Variants in ARHGAP24 observed in about 807,000 individuals in gnomAD.
The protein encoded by ARHGAP24 is rho GTPase-activating protein 24.
A neutral mutation model predicts 76.4 loss-of-function variants in ARHGAP24; 50 were observed. The ratio of observed to expected loss-of-function variants is 0.65; its 90% CI spans 0.52 to 0.83. The LOEUF (loss-of-function observed/expected upper bound fraction) is 0.83, where lower values mean the gene tolerates loss of function less well. ARHGAP24 is among the 40% of genes least tolerant of loss of function. The probability of loss-of-function intolerance (pLI) is 0.00; values close to 1 mark genes in which losing one functional copy is unlikely to be tolerated. For missense variants in ARHGAP24, 930 were observed against 914.2 expected, an observed-to-expected ratio of 1.02 and a Z score of -0.22; for synonymous variants, 345 against 323.3, an observed-to-expected ratio of 1.07 and a Z score of -0.72.
At chr4:85,756,480 C>A (rs149527725) in intron 3 of ARHGAP24, among the ~76,000 whole-genome samples, 1 of 152,146 alleles carries the variant, frequency 6.6e-6, no homozygotes, top group Non-Finnish European at 1.5e-5. Flanking sequence ...AAAGGACTTT[C>A]AGAATCTAGT....
chr4:85,579,692 A>T (rs1727529126), intron 2 of ARHGAP24, among the ~76,000 whole-genome samples: 1 of 152,160 alleles, frequency 6.6e-6, no homozygotes, highest in Non-Finnish European at 1.5e-5. Context: ...CAATCCAGAT[A>T]CAAAAATTAG....
At chr4:85,977,310 C>A (rs1739401165) in intron 7 of ARHGAP24, among the ~76,000 whole-genome samples, 1 of 152,096 alleles carries the variant, frequency 6.6e-6, no homozygotes, top group Admixed American at 6.5e-5. Context: ...CCAAACACAC[C>A]TGTTCCTTTG....
intron 2 of ARHGAP24, among the ~76,000 whole-genome samples, chr4:85,623,745 T>G (rs1375735343): frequency 6.6e-6 from 1 of 152,032 alleles, no homozygotes; most frequent in Non-Finnish European, 1.5e-5. Context: ...CTTCCATTTG[T>G]TTGTATCTTC....
At chr4:85,675,043 A>AAGAT (rs1229979475) in intron 2 of ARHGAP24, among the ~76,000 whole-genome samples, 1 of 152,208 alleles carries the variant, frequency 6.6e-6, no homozygotes. Flanking sequence ...ATTTTGAAGA[A>AAGAT]AGATAACTGA....
chr4:85,934,285 G>A (rs1483153545), intron 4 of ARHGAP24, among the ~76,000 whole-genome samples: 2 of 152,112 alleles, frequency 1.3e-5, no homozygotes, highest in African/African-American at 2.4e-5. Context: ...TGGAGTATAA[G>A]CCCCCTAATT....
chr4:85,710,201 C>G (rs1418583607), intron 2 of ARHGAP24, among the ~76,000 whole-genome samples: 2 of 151,942 alleles, frequency 1.3e-5, no homozygotes, highest in Non-Finnish European at 2.9e-5. Flanking sequence ...GAAATAAGGT[C>G]GCACACGTAC....
chr4:85,908,147 G>A (rs1734873293), intron 3 of ARHGAP24, among the ~76,000 whole-genome samples: 1 of 152,074 alleles, frequency 6.6e-6, no homozygotes, highest in Admixed American at 6.5e-5. Context: ...GGGACTATTT[G>A]TCAAAACACT....
chr4:85,588,364 T>TTTCCATGA (rs1439676732), intron 2 of ARHGAP24, among the ~76,000 whole-genome samples: 1 of 152,244 alleles, frequency 6.6e-6, no homozygotes, highest in African/African-American at 2.4e-5. Flanking sequence ...GTTTCATGCC[T>TTTCCATGA]TTCTGCCCTT....
Position 85,712,496 on chromosome 4 carries a change from C to A in ARHGAP24, c.181-9389C>A, listed in dbSNP as rs916287349. 7.2e-5 allele frequency among the ~76,000 whole-genome samples: 11 copies of A among 152,216 alleles called. No homozygotes were observed. The East Asian group carries it at 2.1e-3, about 29-fold the overall frequency. ...TTGTCACAAATTTGGTGGATTAAAA[C>A]AAAAGACATTTATTATCTCCTAGAT... On this transcript the variant is annotated intron_variant, in intron 2 of 9. Coordinates refer to ENST00000395184, the MANE Select transcript of ARHGAP24 (RefSeq NM_001025616.3).
At chr4:85,909,117 G>A (rs1734929631) in intron 3 of ARHGAP24, among the ~76,000 whole-genome samples, 1 of 152,136 alleles carries the variant, frequency 6.6e-6, no homozygotes, top group East Asian at 1.9e-4. Context: ...AAAGGTTTAA[G>A]TCTTGCTTCC....
In ARHGAP24 at chr4:85,896,569, G is replaced by A. The variant is rs141845518; in HGVS notation, c.269-27079G>A. ...TTCTTCTTGAAGTTTCACTTGCATA[G>A]CAAACACTGTACATTTATTTAATTG... On this transcript the variant is annotated intron_variant, in intron 3 of 9. Coordinates refer to ENST00000395184, the MANE Select transcript of ARHGAP24 (RefSeq NM_001025616.3). Among the ~76,000 whole-genome samples, 1,295 of 152,252 alleles carry A rather than the reference G, an allele frequency of 8.5e-3. 9 individuals are homozygous for A. Among genetic ancestry groups the A allele is most frequent in the Non-Finnish European group, 0.012 (847 of 68,014 alleles).
chr4:85,655,786 T>TAGAGAG (rs1484355846), intron 2 of ARHGAP24, among the ~76,000 whole-genome samples: 4 of 32,724 alleles, frequency 1.2e-4, no homozygotes, highest in South Asian at 8.7e-4. Context: ...TATATATATA[T>TAGAGAG]ATATATAGAG....
intron 5 of ARHGAP24, among the ~76,000 whole-genome samples, chr4:85,957,328 A>G (rs898958663): frequency 6.6e-6 from 1 of 152,206 alleles, no homozygotes; most frequent in Admixed American, 6.5e-5. Context: ...AACCAGCACT[A>G]CTTGCATAAA....
chr4:85,538,822 A>C (rs1333721971), intron 1 of ARHGAP24, among the ~76,000 whole-genome samples: 2 of 152,204 alleles, frequency 1.3e-5, no homozygotes, highest in Admixed American at 6.5e-5. Context: ...TTTGATTTCT[A>C]TCAGTCATCA....
chr4:85,575,429 G>A (rs537386182), intron 2 of ARHGAP24, among the ~76,000 whole-genome samples: 1 of 152,078 alleles, frequency 6.6e-6, no homozygotes, highest in Non-Finnish European at 1.5e-5. Context: ...AAATTTCATT[G>A]TATTTACATG....
intron 5 of ARHGAP24, among the ~76,000 whole-genome samples, chr4:85,962,814 G>T (rs569623921): frequency 1.3e-5 from 2 of 151,430 alleles, no homozygotes; most frequent in African/African-American, 4.8e-5. Context: ...TTGTCCACTG[G>T]TAACTACAGA....
intron 3 of ARHGAP24, among the ~76,000 whole-genome samples, chr4:85,746,211 A>G (rs927184614): frequency 6.6e-6 from 1 of 152,238 alleles, no homozygotes; most frequent in Admixed American, 6.5e-5. Flanking sequence ...CCTTAGCGAT[A>G]TGATGCCCAG....
chr4:85,845,388 G>C (rs1273286819), intron 3 of ARHGAP24, among the ~76,000 whole-genome samples: 1 of 152,170 alleles, frequency 6.6e-6, no homozygotes, highest in East Asian at 1.9e-4. Flanking sequence ...GGCCAATGGA[G>C]ATTAAGGCGC....
At chr4:85,818,452 T>C (rs1327530484) in intron 3 of ARHGAP24, among the ~76,000 whole-genome samples, 2 of 152,238 alleles carry the variant, frequency 1.3e-5, no homozygotes, top group Admixed American at 6.5e-5. Context: ...AGTGTTTTTT[T>C]CTTCAGAAAC....
Sources: allele counts gnomAD v4.1 joint callset (sites outside exome capture counted in the v4.1 genomes callset), GRCh38; gene constraint gnomAD v4.1.1; transcripts MANE v1.5; gene names NCBI Gene and HGNC (gene_info 2026-07-23, HGNC 2026-07-21).